NTRK2: variants seen among roughly 807,000 people sequenced by gnomAD.
The protein encoded by NTRK2 is BDNF/NT-3 growth factors receptor.
NTRK2 carries 13 observed loss-of-function variants against 94.5 expected under a neutral mutation model. The ratio of observed to expected loss-of-function variants is 0.14; its 90% CI spans 0.09 to 0.22. The LOEUF (loss-of-function observed/expected upper bound fraction) is 0.22. Among genes scored for constraint, NTRK2 ranks in the 10% least tolerant of loss-of-function variants. The pLI is 1.00. For missense variants in NTRK2, 639 were observed against 1,071.2 expected (o/e 0.60, Z 5.63); for synonymous variants, 372 against 407.4 (o/e 0.91, Z 1.05).
intron 2 of NTRK2, among the ~76,000 whole-genome samples, chr9:84,677,193 T>C (rs1193560946): frequency 2.0e-5 from 3 of 152,160 alleles, no homozygotes; most frequent in Admixed American, 1.3e-4. Flanking sequence ...GGGGTGCTTA[T>C]GTAAGTGGAG....
At chr9:84,800,389 T>C (rs1227279576) in intron 12 of NTRK2, among the ~76,000 whole-genome samples, 3 of 152,062 alleles carry the variant, frequency 2.0e-5, no homozygotes, top group Non-Finnish European at 4.4e-5. Context: ...TTTGTAGAGA[T>C]GGGGTTTTAC....
At chr9:84,929,100 G>A (rs572141329) in intron 14 of NTRK2, among the ~76,000 whole-genome samples, 27 of 152,244 alleles carry the variant, frequency 1.8e-4, no homozygotes, top group Middle Eastern at 6.8e-3. Context: ...ATAGCAATGG[G>A]TATAGACATA....
At chr9:84,711,500 C>T (rs2061415774) in intron 6 of NTRK2, among the ~76,000 whole-genome samples, 1 of 152,222 alleles carries the variant, frequency 6.6e-6, no homozygotes, top group Non-Finnish European at 1.5e-5. Flanking sequence ...TGATGTACCT[C>T]TACAATACCC....
At chr9:84,745,172 A>G (rs2063957050) in intron 11 of NTRK2, 99 bp downstream of exon 11, 2 of 802,658 alleles carry the variant, frequency 2.5e-6, no homozygotes, top group Non-Finnish European at 4.2e-6. Context: ...TTTATTGTTC[A>G]GATATAAATA....
At chr9:84,811,203 TAA>T in intron 12 of NTRK2, 1 of 1,063,070 alleles carries the variant, frequency 9.4e-7, no homozygotes, top group Non-Finnish European at 1.1e-6. Flanking sequence ...TCACTGTCAA[TAA>T]AAGTCCAAAT....
At chr9:84,750,332 C>T (rs916856572) in intron 11 of NTRK2, among the ~76,000 whole-genome samples, 2 of 152,152 alleles carry the variant, frequency 1.3e-5, no homozygotes, top group Admixed American at 6.5e-5. Flanking sequence ...TACACCCTGG[C>T]AGTGACACAA....
intron 12 of NTRK2, chr9:84,814,401 C>T (rs2072153187): frequency 4.7e-6 from 5 of 1,065,842 alleles, no homozygotes; most frequent in Non-Finnish European, 5.7e-6. Flanking sequence ...CGCTTTCTCT[C>T]TCCTCTTCTT....
intron 2 of NTRK2, among the ~76,000 whole-genome samples, chr9:84,701,822 C>T (rs2060743855): frequency 6.6e-6 from 1 of 152,128 alleles, no homozygotes; most frequent in Admixed American, 6.5e-5. Flanking sequence ...GTGGAAACAC[C>T]TTTGAGAGGA....
chr9:84,769,767 A>G (rs1334348252), intron 12 of NTRK2, among the ~76,000 whole-genome samples: 1 of 152,212 alleles, frequency 6.6e-6, no homozygotes, highest in Admixed American at 6.5e-5. Flanking sequence ...TGGGTTGAGG[A>G]GCTCATTTTT....
chr9:84,685,543 C>G (rs2059660146), intron 2 of NTRK2, among the ~76,000 whole-genome samples: 1 of 152,118 alleles, frequency 6.6e-6, no homozygotes, highest in African/African-American at 2.4e-5. Context: ...ATAGCAAAGG[C>G]TGACAACTTC....
At chr9:85,011,856 C>T (rs571285534) in intron 17 of NTRK2, among the ~76,000 whole-genome samples, 3 of 152,144 alleles carry the variant, frequency 2.0e-5, no homozygotes, top group Admixed American at 6.5e-5. Flanking sequence ...TAGCTGTGTG[C>T]GCTTGGGTCG....
intron 14 of NTRK2, among the ~76,000 whole-genome samples, chr9:84,885,552 G>A (rs1040105871): frequency 2.0e-5 from 3 of 151,704 alleles, no homozygotes; most frequent in Non-Finnish European, 2.9e-5. Flanking sequence ...GCATCATGTC[G>A]AACACATGGA....
At chr9:84,772,533 G>A (rs2066659701) in intron 12 of NTRK2, among the ~76,000 whole-genome samples, 2 of 152,128 alleles carry the variant, frequency 1.3e-5, no homozygotes, top group Admixed American at 6.6e-5. Context: ...ATTTTACTGA[G>A]CATGTACAAT....
chr9:84,918,218 A>G (rs1207757727), intron 14 of NTRK2, among the ~76,000 whole-genome samples: 1 of 152,214 alleles, frequency 6.6e-6, no homozygotes, highest in African/African-American at 2.4e-5. Flanking sequence ...TCAGGAACCA[A>G]GACTCCAACA....
At chr9:84,934,063 T>C in intron 14 of NTRK2, 99 bp from the exon 15 acceptor site, 1 of 1,331,112 alleles carries the variant, frequency 7.5e-7, no homozygotes, top group Non-Finnish European at 1.1e-6. Context: ...GGAGAGACTC[T>C]TGGGCCTGGA....
At chr9:84,785,909 CAAGCT>C (rs1327716410) in intron 12 of NTRK2, among the ~76,000 whole-genome samples, 1 of 152,170 alleles carries the variant, frequency 6.6e-6, no homozygotes, top group Non-Finnish European at 1.5e-5. Flanking sequence ...CATTCCCAGC[CAAGCT>C]GGTGACTTGC....
intron 14 of NTRK2, chr9:84,876,879 T>A (rs1433841420): frequency 1.9e-6 from 2 of 1,062,882 alleles, no homozygotes; most frequent in East Asian, 1.0e-4. Context: ...TTGTTCTGGG[T>A]TGATGGCAAA....
chr9:84,886,335 C>A (rs1476691845), intron 14 of NTRK2, among the ~76,000 whole-genome samples: 1 of 152,138 alleles, frequency 6.6e-6, no homozygotes, highest in East Asian at 1.9e-4. Flanking sequence ...GACCATGATC[C>A]CATTGGAAGA....
At chr9:84,940,801 A>T (rs2078383414) in intron 15 of NTRK2, among the ~76,000 whole-genome samples, 1 of 151,590 alleles carries the variant, frequency 6.6e-6, no homozygotes, top group Admixed American at 6.6e-5. Context: ...CTACCCAGGT[A>T]AGGTTATTTC....
Sources: gnomAD v4.1 joint callset for allele counts (sites outside exome capture counted in the v4.1 genomes callset) on GRCh38, gnomAD v4.1.1 for gene constraint, MANE v1.5 for transcripts, NCBI Gene and HGNC (gene_info 2026-07-23, HGNC 2026-07-21) for gene names.